Variants in TRAPPC10 observed in about 807,000 individuals in gnomAD.
TRAPPC10 encodes trafficking protein particle complex subunit 10, also known as TRAPP 130 kDa subunit.
TRAPPC10 carries 23 observed loss-of-function variants against 125.5 expected under a neutral mutation model. That is an observed-to-expected ratio of 0.18 (90% CI 0.13 to 0.26). The LOEUF (loss-of-function observed/expected upper bound fraction) is 0.26. Among genes scored for constraint, TRAPPC10 ranks in the 10% least tolerant of loss-of-function variants. TRAPPC10 has a pLI of 1.00. For missense variants in TRAPPC10, 1,123 were observed against 1,308.4 expected (o/e 0.86, Z 2.19); for synonymous variants, 509 against 518.0 (o/e 0.98, Z 0.24).
chr21:44,055,909 C>A lies in TRAPPC10; in HGVS notation c.678+16C>A, dbSNP rs752852102. 2 of 1,543,438 alleles carry A rather than the reference C, an allele frequency of 1.3e-6. No homozygotes were observed. The highest frequency in any genetic ancestry group is 1.8e-6 in the Non-Finnish European group (2 of 1,129,498). On this transcript the variant is annotated intron_variant, in intron 5 of 22. Transcript: ENST00000291574. ...CATGGTTCAGGTACTTGACTCATTA[C>A]AGAACTAGACAGTTCCTTCTCTCCT...
intron 3 of TRAPPC10, among the ~76,000 whole-genome samples, chr21:44,044,326 T>C (rs2034623689): frequency 2.0e-5 from 3 of 152,096 alleles, no homozygotes; most frequent in South Asian, 2.1e-4. Context: ...CTTTTTTTTT[T>C]CAAATCTTGA....
Position 44,067,024 on chromosome 21 carries a change from T to G in TRAPPC10, c.1038+3239T>G, listed in dbSNP as rs1050470564. 3.0e-4 allele frequency among the ~76,000 whole-genome samples: 45 copies of G among 152,268 alleles called. No homozygotes were observed. The East Asian group carries it at 8.5e-3, about 29-fold the overall frequency. On this transcript the variant is annotated intron_variant, in intron 7 of 22. Transcript: ENST00000291574. ...TACAATGATTGCCCAAGTGATTTTT[T>G]GGGGGGGTTTGGAATGTGTTTCATT...
At chr21:44,044,816 A>G (rs1875907144) in intron 3 of TRAPPC10, among the ~76,000 whole-genome samples, 1 of 151,862 alleles carries the variant, frequency 6.6e-6, no homozygotes, top group Non-Finnish European at 1.5e-5. Context: ...GGCGTCTGCC[A>G]CCACGCCTGG....
rs1429478305 is a variant in TRAPPC10 at position 44,083,263 on chromosome 21, C to G, written c.2199C>G (p.Thr733=). The change falls in exon 14 of 23, where the codon ACC becomes ACG. Residue 733 remains threonine, a synonymous_variant. Coordinates refer to ENST00000291574, the MANE Select transcript of TRAPPC10 (RefSeq NM_003274.5). ...ACGTGCTGAGGTGCAGCCACGTGACCCTGGAACCAGGGGCCAACCAGATAA... is the reference window on the plus strand; with the variant it reads ...ACGTGCTGAGGTGCAGCCACGTGACGCTGGAACCAGGGGCCAACCAGATAA... ...GAHVLRCSHV[T]LEPGANQITF... is the part of the protein sequence containing the mutation. 6.2e-7 allele frequency: 1 copy of G among 1,613,998 alleles called. No homozygotes were observed. Among genetic ancestry groups the G allele is most frequent in the Admixed American group, 1.7e-5 (1 of 60,028 alleles).
chr21:44,092,402 GC>G (rs752499377), intron 19 of TRAPPC10, among the ~76,000 whole-genome samples: 10 of 152,336 alleles, frequency 6.6e-5, no homozygotes, highest in Non-Finnish European at 1.2e-4. Flanking sequence ...GAGCGATGGT[GC>G]CCGACACCTT....
chr21:44,084,072 A>AGTT, intron 14 of TRAPPC10, 50 bp from the exon 15 acceptor site: 1 of 1,609,404 alleles, frequency 6.2e-7, no homozygotes, highest in Admixed American at 1.7e-5. Context: ...CAGGAAGCTA[A>AGTT]CTGCAAAACT....
chr21:44,032,260 C>A, intron 2 of TRAPPC10, 88 bp downstream of exon 2: 1 of 1,063,756 alleles, frequency 9.4e-7, no homozygotes, highest in Non-Finnish European at 1.4e-6. Context: ...GTTGTTTAGA[C>A]ATTTATGTGA....
At chr21:44,017,663 T>TG (rs1374069748) in intron 1 of TRAPPC10, among the ~76,000 whole-genome samples, 1 of 151,974 alleles carries the variant, frequency 6.6e-6, no homozygotes, top group African/African-American at 2.4e-5. Context: ...GTGTGCTACG[T>TG]GGGGGGCAGG....
At chr21:44,053,923 T>G (rs1402099614) in intron 4 of TRAPPC10, among the ~76,000 whole-genome samples, 12 of 78,070 alleles carry the variant, frequency 1.5e-4, no homozygotes, top group African/African-American at 3.3e-4. Flanking sequence ...TAAAAAAAAT[T>G]GATGATGATA....
Position 44,077,784 on chromosome 21 carries a change from T to C in TRAPPC10, c.1469T>C (p.Met490Thr), listed in dbSNP as rs1452023209. 3 of 1,604,356 alleles carry C rather than the reference T, an allele frequency of 1.9e-6. No individual in the cohort carries two copies. The part of the protein sequence containing the change: ...FVGKDLAEFY[M>T]RKKAPQKAEI... ...GGAAAAGATCTGGCAGAGTTTTACA[T>C]GTAATTGATTTTGTACTTTTCTTTG... The change falls in exon 11 of 23, where the codon ATG becomes ACG. Residue 490 changes from methionine to threonine, a missense_variant and splice_region_variant. This residue lies in a region of TRAPPC10 where 840 missense variants were observed against 902.0 expected (regional missense o/e 0.93). Coordinates refer to ENST00000291574, the MANE Select transcript of TRAPPC10 (RefSeq NM_003274.5).
intron 17 of TRAPPC10, chr21:44,088,193 G>A (rs913302306): frequency 2.0e-6 from 1 of 506,532 alleles, no homozygotes; most frequent in East Asian, 3.5e-5. Context: ...GGTTAGGGCC[G>A]GCTTAGGCAT....
intron 1 of TRAPPC10, among the ~76,000 whole-genome samples, chr21:44,022,921 C>T (rs1012015108): frequency 2.7e-5 from 4 of 148,692 alleles, no homozygotes; most frequent in African/African-American, 5.0e-5. Context: ...CCAGCAGGTG[C>T]GTGATGTCCG....
Position 44,068,118 on chromosome 21 carries a change from C to CAAA in TRAPPC10, c.1038+4347_1038+4349dup, listed in dbSNP as rs1282628289. ...TGGGCAAAAGAGTGAGACTCCGTCT[C>CAAA]AAAAAAAAAAAAAAAAGGACTCATT... is the stretch of plus-strand genomic sequence containing the variant. On this transcript the variant is annotated intron_variant, in intron 7 of 22. Transcript: ENST00000291574. Among the ~76,000 whole-genome samples the CAAA allele has an allele frequency of 4.8e-3, 367 of 77,038 alleles. 4 individuals carry two copies. Among genetic ancestry groups the CAAA allele is most frequent in the African/African-American group, 0.015 (339 of 22,786 alleles). 50.5% of individuals were successfully genotyped at this position (77,038 alleles called of 152,430 possible).
At chr21:44,045,517 A>G (rs112775840) in intron 3 of TRAPPC10, among the ~76,000 whole-genome samples, 1 of 151,966 alleles carries the variant, frequency 6.6e-6, no homozygotes, top group Admixed American at 6.6e-5. Context: ...ATTTTGTACA[A>G]AAGTGGCTTT....
chr21:44,076,511 TGATGAA>T, intron 9 of TRAPPC10, 35 bp from the exon 10 acceptor site: 2 of 1,492,336 alleles, frequency 1.3e-6, no homozygotes, highest in Non-Finnish European at 1.9e-6. Flanking sequence ...TGACTGGACA[TGATGAA>T]GATGAAGAGG....
At chr21:44,084,966 C>T (rs2146132527) in intron 15 of TRAPPC10, among the ~76,000 whole-genome samples, 1 of 152,340 alleles carries the variant, frequency 6.6e-6, no homozygotes, top group African/African-American at 2.4e-5. Flanking sequence ...CGCCACCCTC[C>T]AGGAACCTCC....
chr21:44,094,336 A>C, intron 20 of TRAPPC10, 103 bp downstream of exon 20: 2 of 1,117,526 alleles, frequency 1.8e-6, no homozygotes, highest in South Asian at 1.5e-5. Flanking sequence ...TGTCAACATA[A>C]TGAAGGAGCA....
At chr21:44,016,118 C>T (rs373625721) in intron 1 of TRAPPC10, among the ~76,000 whole-genome samples, 6 of 152,214 alleles carry the variant, frequency 3.9e-5, no homozygotes, top group East Asian at 3.9e-4. Flanking sequence ...GATGAATGAC[C>T]GAATCATAGC....
intron 3 of TRAPPC10, among the ~76,000 whole-genome samples, chr21:44,045,354 T>C (rs2145782925): frequency 1.3e-5 from 2 of 151,488 alleles, no homozygotes; most frequent in East Asian, 3.9e-4. Context: ...CTCTTTCAGC[T>C]TTTGTACATT....
Sources: allele counts gnomAD v4.1 joint callset (sites outside exome capture counted in the v4.1 genomes callset), GRCh38; gene constraint gnomAD v4.1.1; regional missense constraint gnomAD v4.1.1; transcripts MANE v1.5; gene names NCBI Gene and HGNC (gene_info 2026-07-23, HGNC 2026-07-21).